Variants in PGM1 observed in about 807,000 individuals in gnomAD.
PGM1 encodes phosphoglucomutase-1.
Under a neutral mutation model 55.6 loss-of-function variants are expected in PGM1, and 52 were observed. That is an observed-to-expected ratio of 0.94 (90% CI 0.75 to 1.18). The LOEUF is 1.18. PGM1 is among the 50% of genes most tolerant of loss of function. The pLI, the probability that PGM1 is intolerant of heterozygous loss-of-function variation, is 0.00. For missense variants in PGM1, 724 were observed against 729.3 expected (o/e 0.99, Z 0.08); for synonymous variants, 287 against 271.7 (o/e 1.06, Z -0.55).
intron 1 of PGM1, among the ~76,000 whole-genome samples, chr1:63,617,363 T>C (rs1476253712): frequency 2.6e-5 from 4 of 152,016 alleles, no homozygotes; most frequent in Non-Finnish European, 5.9e-5. Flanking sequence ...AGTGAGCCCC[T>C]ATGAGGCCTG....
Position 63,638,106 on chromosome 1 carries a change from G to T in PGM1, c.1029-579G>T, listed in dbSNP as rs570932462. Among the ~76,000 whole-genome samples the T allele has an allele frequency of 2.0e-5, 3 of 152,282 alleles. No individual in the cohort carries two copies. The South Asian group carries it at 6.2e-4, about 32-fold the overall frequency. Reference sequence around the variant, plus strand: ...GAAGGGGAACCACTAATCAGTGTGGGTGAAGCCAGTACTTAGGGGAGACCC... The same window carrying T: ...GAAGGGGAACCACTAATCAGTGTGGTTGAAGCCAGTACTTAGGGGAGACCC... On this transcript the variant is annotated intron_variant, in intron 6 of 10. Transcript: ENST00000371084.
Position 63,593,709 on chromosome 1 carries a change from T to C in PGM1, c.221T>C (p.Ile74Thr). 1 of 1,599,208 alleles carries C rather than the reference T, an allele frequency of 6.3e-7. No individual in the cohort carries two copies. The highest frequency in any genetic ancestry group is 1.1e-5 in the South Asian group (1 of 89,366). The change falls in exon 1 of 11, where the codon ATC (isoleucine) becomes ACC (threonine). Residue 74 changes from isoleucine (I) to threonine (T), a missense_variant. Coordinates refer to ENST00000371084, the MANE Select transcript of PGM1 (RefSeq NM_002633.3). Reference sequence around the variant, plus strand: ...TACATGAAGGAGGCCATCCAGCTCATCGCTCGCATCGCTGCCGCCAACGGG... The same window carrying C: ...TACATGAAGGAGGCCATCCAGCTCACCGCTCGCATCGCTGCCGCCAACGGG... ...RFYMKEAIQLIARIAAANGIG... is the reference protein window; with the variant it reads ...RFYMKEAIQLTARIAAANGIG...
At chr1:63,641,820 T>C (rs2269246) in intron 7 of PGM1, among the ~76,000 whole-genome samples, 32,722 of 152,150 alleles carry the variant, frequency 0.22, 3,812 homozygotes, top group Admixed American at 0.34. Flanking sequence ...GAGCCTCCCG[T>C]AGAGCCCAGC....
chr1:63,658,859 A>G (rs1208788172), intron 10 of PGM1, among the ~76,000 whole-genome samples: 1 of 152,132 alleles, frequency 6.6e-6, no homozygotes, highest in Non-Finnish European at 1.5e-5. Context: ...TTGGACTTAC[A>G]CTTCACGTGG....
chr1:63,632,120 C>T (rs113430472), intron 4 of PGM1, among the ~76,000 whole-genome samples: 31 of 152,056 alleles, frequency 2.0e-4, no homozygotes, highest in Middle Eastern at 3.4e-3. Flanking sequence ...TCTGAGAGGA[C>T]GGTCATTTGG....
At chr1:63,622,244 C>T (rs1488718388) in intron 1 of PGM1, among the ~76,000 whole-genome samples, 6 of 151,982 alleles carry the variant, frequency 3.9e-5, no homozygotes, top group South Asian at 2.1e-4. Flanking sequence ...AGACTGGTCT[C>T]GAACTCCTGA....
At chr1:63,633,257 G>C (rs1036571645) in intron 4 of PGM1, among the ~76,000 whole-genome samples, 1 of 152,160 alleles carries the variant, frequency 6.6e-6, no homozygotes, top group Non-Finnish European at 1.5e-5. Context: ...AGGCATGAAG[G>C]CTTAAAAATG....
chr1:63,659,720 C>A lies in PGM1; in HGVS notation c.*45C>A. On this transcript the variant is annotated 3_prime_UTR_variant, in exon 11 of 11. Transcript: ENST00000371084. ...TACGTCCCTCCACCCCCGGACCCAT[C>A]CAAGTCATCTGATTGAAGAGCATGA... is the stretch of plus-strand genomic sequence containing the variant. The A allele has an allele frequency of 1.4e-6, 2 of 1,392,454 alleles. No individual in the cohort carries two copies. Among genetic ancestry groups the A allele is most frequent in the Non-Finnish European group, 2.0e-6 (2 of 977,654 alleles). 86.3% of individuals were successfully genotyped at this position (1,392,454 alleles called of 1,614,324 possible).
At chr1:63,628,732 TAAG>T (rs1649106140) in intron 1 of PGM1, among the ~76,000 whole-genome samples, 1 of 152,172 alleles carries the variant, frequency 6.6e-6, no homozygotes, top group African/African-American at 2.4e-5. Context: ...GAAGGTAAGT[TAAG>T]AATGCAACAG....
chr1:63,654,489 GGTTA>G (rs775504723), intron 10 of PGM1, 23 bp downstream of exon 10: 1 of 1,613,002 alleles, frequency 6.2e-7, no homozygotes, highest in South Asian at 1.1e-5. Flanking sequence ...CCTGTGCCCT[GGTTA>G]GTTCTTTCTG....
In PGM1 at chr1:63,648,699, C is replaced by T. The variant is rs1031948391; in HGVS notation, c.1280+47C>T. ...GTACAAGGTAAGGTGGGGAAGTGGG[C>T]AGAGAGAATTCTTGCGCATCCACAG... On this transcript the variant is annotated intron_variant, in intron 8 of 10. Coordinates refer to ENST00000371084, the MANE Select transcript of PGM1 (RefSeq NM_002633.3). 13 of 1,605,232 alleles carry T rather than the reference C, an allele frequency of 8.1e-6. No individual in the cohort carries two copies. In the Admixed American group the frequency reaches 1.5e-4, roughly 19 times the overall value.
intron 4 of PGM1, among the ~76,000 whole-genome samples, chr1:63,633,864 CTCTGTGTGTGTGTGTGTG>C (rs1457101190): frequency 6.6e-4 from 46 of 70,188 alleles, no homozygotes; most frequent in African/African-American, 2.4e-3. Context: ...GTGTCTGTGT[CTCTGTGTGTGTGTGTGTG>C]TGTGTGTGTG....
chr1:63,641,509 C>T (rs1649517148), intron 7 of PGM1, among the ~76,000 whole-genome samples: 1 of 152,134 alleles, frequency 6.6e-6, no homozygotes, highest in African/African-American at 2.4e-5. Flanking sequence ...TCAGGGTAGA[C>T]ATTAGTGACT....
At chr1:63,609,106 G>C (rs1449246074) in intron 1 of PGM1, among the ~76,000 whole-genome samples, 1 of 152,172 alleles carries the variant, frequency 6.6e-6, no homozygotes, top group Non-Finnish European at 1.5e-5. Context: ...GTCCTATCCT[G>C]CCTCTGTCCA....
chr1:63,618,916 C>T (rs1248435240), intron 1 of PGM1, among the ~76,000 whole-genome samples: 6 of 152,150 alleles, frequency 3.9e-5, no homozygotes, highest in Non-Finnish European at 7.3e-5. Flanking sequence ...TTTTCTGATT[C>T]TTCCCGTACA....
chr1:63,612,400 C>A (rs188927566), intron 1 of PGM1, among the ~76,000 whole-genome samples: 1 of 152,094 alleles, frequency 6.6e-6, no homozygotes, highest in South Asian at 2.1e-4. Context: ...TGAACCCATA[C>A]GTAGAATGAT....
intron 10 of PGM1, among the ~76,000 whole-genome samples, chr1:63,657,767 T>C (rs1294909911): frequency 1.3e-5 from 2 of 152,038 alleles, no homozygotes; most frequent in African/African-American, 4.8e-5. Flanking sequence ...TGCTTCACTT[T>C]TACATTTTTT....
chr1:63,609,743 A>G (rs1376305262), intron 1 of PGM1, among the ~76,000 whole-genome samples: 1 of 152,192 alleles, frequency 6.6e-6, no homozygotes, highest in Non-Finnish European at 1.5e-5. Context: ...TGTACAATAC[A>G]GGGTACTGTA....
At chr1:63,616,866 ACT>A (rs751473738) in intron 1 of PGM1, among the ~76,000 whole-genome samples, 16 of 152,112 alleles carry the variant, frequency 1.1e-4, no homozygotes, top group Admixed American at 3.9e-4. Context: ...ACATTTCCTA[ACT>A]CTACTAAAAT....
Sources: gnomAD v4.1 joint callset for allele counts (sites outside exome capture counted in the v4.1 genomes callset) on GRCh38, gnomAD v4.1.1 for gene constraint, MANE v1.5 for transcripts, NCBI Gene and HGNC (gene_info 2026-07-23, HGNC 2026-07-21) for gene names.